The following SPATA17 variants were observed in gnomAD, a reference collection of about 807,000 sequenced individuals.
The protein encoded by SPATA17 is spermatogenesis-associated protein 17.
In SPATA17, 53 loss-of-function variants were observed where a neutral mutation model predicts 62.2. That is an observed-to-expected ratio of 0.85 (90% CI 0.68 to 1.07). The LOEUF is 1.07. Among genes scored for constraint, SPATA17 ranks in the 50% least tolerant of loss-of-function variants. The pLI, the probability that SPATA17 is intolerant of heterozygous loss-of-function variation, is 0.00. For missense variants in SPATA17, 466 were observed against 425.5 expected, an observed-to-expected ratio of 1.10 and a Z score of -0.84; for synonymous variants, 146 against 146.8, an observed-to-expected ratio of 0.99 and a Z score of 0.04.
At chr1:217,696,367 C>G (rs866861496) in intron 5 of SPATA17, among the ~76,000 whole-genome samples, 195 of 152,290 alleles carry the variant, frequency 1.3e-3, no homozygotes, top group African/African-American at 4.3e-3. Flanking sequence ...ACAGTGCGCG[C>G]ACCCACTGGC....
intron 8 of SPATA17, among the ~76,000 whole-genome samples, chr1:217,784,288 C>T (rs1010379438): frequency 6.6e-6 from 1 of 151,980 alleles, no homozygotes; most frequent in African/African-American, 2.4e-5. Flanking sequence ...ACCAACTTTA[C>T]CTATAAGGAG....
At chr1:217,786,266 TAA>T (rs1483666670) in intron 8 of SPATA17, among the ~76,000 whole-genome samples, 1 of 152,156 alleles carries the variant, frequency 6.6e-6, no homozygotes, top group Non-Finnish European at 1.5e-5. Flanking sequence ...CAAGTGTGTG[TAA>T]GAGACAATGT....
chr1:217,687,604 T>C (rs6693337), intron 5 of SPATA17, among the ~76,000 whole-genome samples: 38,268 of 152,042 alleles, frequency 0.25, 5,285 homozygotes, highest in African/African-American at 0.36. Flanking sequence ...CGGTACAGCA[T>C]CATGCTGTAC....
chr1:217,642,450 C>T (rs993451492), intron 1 of SPATA17, among the ~76,000 whole-genome samples: 1 of 152,114 alleles, frequency 6.6e-6, no homozygotes, highest in South Asian at 2.1e-4. Context: ...CTTCTGTGTC[C>T]TCATTGTTCT....
chr1:217,754,152 T>G (rs979419575), intron 6 of SPATA17, among the ~76,000 whole-genome samples: 2 of 152,024 alleles, frequency 1.3e-5, no homozygotes, highest in African/African-American at 4.8e-5. Context: ...GCTTGCTTAA[T>G]TAAGCCCAGG....
At chr1:217,861,410 A>G (rs1455073213) in intron 9 of SPATA17, among the ~76,000 whole-genome samples, 2 of 143,020 alleles carry the variant, frequency 1.4e-5, no homozygotes, top group African/African-American at 5.0e-5. Context: ...TATATTTATA[A>G]AAATAAAGGT....
At chr1:217,850,378 A>C in intron 9 of SPATA17, 1 of 910,132 alleles carries the variant, frequency 1.1e-6, no homozygotes, top group Non-Finnish European at 1.7e-6. Context: ...ATCACTGAGC[A>C]CTGCAAATGC....
At chr1:217,663,607 AC>A (rs1265423282) in intron 3 of SPATA17, among the ~76,000 whole-genome samples, 2 of 152,192 alleles carry the variant, frequency 1.3e-5, no homozygotes, top group Non-Finnish European at 2.9e-5. Context: ...ATGGAAAATA[AC>A]AAAAACTCAG....
chr1:217,841,377 A>T (rs747364754), intron 9 of SPATA17, among the ~76,000 whole-genome samples: 10 of 152,082 alleles, frequency 6.6e-5, no homozygotes, highest in Non-Finnish European at 1.3e-4. Context: ...GCTAAAAATT[A>T]TATCACAGTT....
chr1:217,794,828 A>G (rs1015363386), intron 8 of SPATA17, among the ~76,000 whole-genome samples: 1 of 152,172 alleles, frequency 6.6e-6, no homozygotes, highest in Non-Finnish European at 1.5e-5. Flanking sequence ...ACTTAGCACA[A>G]TCGTTCACAA....
At chr1:217,661,282 C>T (rs954120849) in intron 3 of SPATA17, among the ~76,000 whole-genome samples, 1 of 151,806 alleles carries the variant, frequency 6.6e-6, no homozygotes, top group Non-Finnish European at 1.5e-5. Flanking sequence ...TGTTATATCA[C>T]AGGAATTAGA....
At chr1:217,761,091 ACT>A (rs1243888682) in intron 6 of SPATA17, among the ~76,000 whole-genome samples, 1 of 152,014 alleles carries the variant, frequency 6.6e-6, no homozygotes, top group Non-Finnish European at 1.5e-5. Context: ...ACTGAAAATA[ACT>A]CTTGGTAAGG....
chr1:217,861,263 A>T (rs1675891626), intron 9 of SPATA17, among the ~76,000 whole-genome samples: 1 of 151,836 alleles, frequency 6.6e-6, no homozygotes, highest in Non-Finnish European at 1.5e-5. Context: ...ATCTTCATTT[A>T]TTCCTTCTCT....
Position 217,870,387 on chromosome 1 carries a change from C to T in SPATA17, c.*3368C>T, listed in dbSNP as rs1676106761. The T allele has an allele frequency of 6.6e-6, 1 of 152,148 alleles. No homozygotes were observed. The allele number at this position is 152,148 out of a possible 1,614,324, so 9.4% of individuals were successfully genotyped here. On this transcript the variant is annotated 3_prime_UTR_variant, in exon 11 of 11. Transcript: ENST00000366933. ...ACCACCATCTGCCTCTCCCCCCAGA[C>T]ACACATAAGTTTATGATAACTACAG...
chr1:217,654,321 G>T (rs1239858286), intron 3 of SPATA17, among the ~76,000 whole-genome samples: 7 of 151,306 alleles, frequency 4.6e-5, no homozygotes, highest in Non-Finnish European at 1.0e-4. Flanking sequence ...TGTGTTTTTG[G>T]TATAGACAGG....
At chr1:217,663,465 G>C (rs529333644) in intron 3 of SPATA17, among the ~76,000 whole-genome samples, 3 of 151,104 alleles carry the variant, frequency 2.0e-5, no homozygotes, top group African/African-American at 7.3e-5. Flanking sequence ...AAAAAGAACA[G>C]TTGATAATGA....
At chr1:217,850,732 C>A in intron 9 of SPATA17, 5 of 863,226 alleles carry the variant, frequency 5.8e-6, no homozygotes, top group Non-Finnish European at 8.8e-6. Flanking sequence ...ATTCACCCCT[C>A]CAGAATATTT....
intron 8 of SPATA17, among the ~76,000 whole-genome samples, chr1:217,798,408 AG>A (rs1674210384): frequency 6.6e-6 from 1 of 152,226 alleles, no homozygotes; most frequent in African/African-American, 2.4e-5. Context: ...AATAAGAAAA[AG>A]TATGTGTTTC....
intron 7 of SPATA17, among the ~76,000 whole-genome samples, chr1:217,775,936 T>TA (rs1311031843): frequency 2.6e-5 from 4 of 152,148 alleles, no homozygotes; most frequent in African/African-American, 9.7e-5. Flanking sequence ...ATTTTTTATG[T>TA]AAAAATATTG....
Sources: gnomAD v4.1 joint callset for allele counts (sites outside exome capture counted in the v4.1 genomes callset) on GRCh38, gnomAD v4.1.1 for gene constraint, MANE v1.5 for transcripts, NCBI Gene and HGNC (gene_info 2026-07-23, HGNC 2026-07-21) for gene names.